The following WDR64 variants were observed in gnomAD, a reference collection of about 807,000 sequenced individuals.
WDR64 encodes the protein WD repeat domain 64.
Under a neutral mutation model 139.3 loss-of-function variants are expected in WDR64, and 112 were observed. The observed-to-expected ratio is 0.80, with a 90% CI of 0.69 to 0.94. WDR64 has a LOEUF of 0.94. Ranked by LOEUF, WDR64 falls within the 40% of genes least tolerant of loss-of-function variation. WDR64 has a pLI of 0.00. For synonymous variants in WDR64, 444 were observed against 437.7 expected (o/e 1.01, Z -0.18); for missense variants, 1,206 against 1,293.1 (o/e 0.93, Z 1.03).
intron 9 of WDR64, among the ~76,000 whole-genome samples, chr1:241,714,779 CCAT>C (rs1668338443): frequency 6.6e-6 from 1 of 152,164 alleles, no homozygotes; most frequent in Non-Finnish European, 1.5e-5. Flanking sequence ...CTGGGTTTAG[CCAT>C]CGCCTGGCCA....
At position 241,696,113 on chromosome 1, in the gene WDR64, C is replaced by CAAAAAAAAAAAAAAAAAAAAAA. The variant is rs541301982; in HGVS notation, c.974+8525_974+8546dup. 9.0e-4 allele frequency among the ~76,000 whole-genome samples: 20 copies of CAAAAAAAAAAAAAAAAAAAAAA among 22,326 alleles called. 3 individuals are homozygous for CAAAAAAAAAAAAAAAAAAAAAA. Among genetic ancestry groups the CAAAAAAAAAAAAAAAAAAAAAA allele is most frequent in the African/African-American group, 2.8e-3 (20 of 7,172 alleles). 14.6% of individuals were successfully genotyped at this position (22,326 alleles called of 152,430 possible). The stretch of plus-strand genomic sequence containing the variant: ...TGTGGAATGGAATGAGACCCAGTAT[C>CAAAAAAAAAAAAAAAAAAAAAA]AAAAAAAAAAAAAAAAAAAAAAAAA... On this transcript the variant is annotated intron_variant, in intron 8 of 27. Coordinates refer to ENST00000437684, the MANE Select transcript of WDR64 (RefSeq NM_001367482.1).
Position 241,742,084 on chromosome 1 carries a change from G to A in WDR64, c.1470+420G>A, listed in dbSNP as rs570541136. Among the ~76,000 whole-genome samples, 12 of 152,254 alleles carry A rather than the reference G, an allele frequency of 7.9e-5. No homozygotes were observed. In the South Asian group the frequency reaches 2.3e-3, roughly 29 times the overall value. On this transcript the variant is annotated intron_variant, in intron 12 of 27. Transcript: ENST00000437684. The stretch of plus-strand genomic sequence containing the variant: ...CAAGAGCTTTAAGTCTCTGTGATCT[G>A]CTTTAATCTTCACAACAGTTCTCTG...
At chr1:241,704,861 T>C (rs979277244) in intron 8 of WDR64, among the ~76,000 whole-genome samples, 2 of 152,192 alleles carry the variant, frequency 1.3e-5, no homozygotes, top group African/African-American at 4.8e-5. Context: ...CTGGAGAGGA[T>C]TGCTCTAGAC....
At chr1:241,761,460 T>C (rs971698537) in intron 15 of WDR64, among the ~76,000 whole-genome samples, 1 of 150,962 alleles carries the variant, frequency 6.6e-6, no homozygotes, top group Non-Finnish European at 1.5e-5. Flanking sequence ...AATACACATA[T>C]GGACTATTTG....
At chr1:241,753,796 C>T (rs375711396) in intron 14 of WDR64, among the ~76,000 whole-genome samples, 6 of 151,796 alleles carry the variant, frequency 4.0e-5, no homozygotes, top group South Asian at 2.1e-4. Context: ...CTAAAATAAA[C>T]GTAGCAAGAA....
chr1:241,679,514 C>T lies in WDR64; in HGVS notation c.543C>T (p.Tyr181=), dbSNP rs184957108. 2 of 1,551,718 alleles carry T rather than the reference C, an allele frequency of 1.3e-6. No individual in the cohort carries two copies. The highest frequency in any genetic ancestry group is 1.4e-5 in the African/African-American group (1 of 73,026). Residue 181 remains tyrosine (Y), a synonymous_variant, in exon 6 of 28, where the codon TAC becomes TAT. Coordinates refer to ENST00000437684, the MANE Select transcript of WDR64 (RefSeq NM_001367482.1). The part of the protein sequence containing the change: ...TDTSWITGCD[Y]LLQLKRIVAT... Reference sequence around the variant, plus strand: ...CCTCCTGGATTACAGGGTGTGATTACCTCTTGCAGCTGAAACGAATCGTAG... The same window carrying T: ...CCTCCTGGATTACAGGGTGTGATTATCTCTTGCAGCTGAAACGAATCGTAG...
intron 10 of WDR64, among the ~76,000 whole-genome samples, chr1:241,731,194 A>G (rs1418546493): frequency 6.6e-6 from 1 of 152,198 alleles, no homozygotes; most frequent in Non-Finnish European, 1.5e-5. Context: ...ATTCACAAAC[A>G]GAATACTATT....
chr1:241,687,390 T>C (rs1159703743), intron 7 of WDR64, 71 bp from the exon 8 acceptor site: 13 of 1,568,814 alleles, frequency 8.3e-6, no homozygotes, highest in African/African-American at 1.4e-5. Flanking sequence ...TCAAAGTAAA[T>C]TGCTGAATAG....
At chr1:241,794,504 G>GTTTTTTTTTTT (rs11419039) in intron 25 of WDR64, among the ~76,000 whole-genome samples, 12 of 81,484 alleles carry the variant, frequency 1.5e-4, no homozygotes, top group East Asian at 7.8e-4. Context: ...AAGCTTTACT[G>GTTTTTTTTTTT]TTTTTTTTTT....
intron 8 of WDR64, among the ~76,000 whole-genome samples, chr1:241,693,286 T>C (rs1252848831): frequency 1.3e-5 from 2 of 152,130 alleles, no homozygotes; most frequent in African/African-American, 2.4e-5. Context: ...TAAATGCATA[T>C]TACTAAGTTA....
chr1:241,702,295 T>C (rs1209288181), intron 8 of WDR64, among the ~76,000 whole-genome samples: 3 of 129,182 alleles, frequency 2.3e-5, no homozygotes, highest in Non-Finnish European at 5.3e-5. Flanking sequence ...CTGGTTTCTG[T>C]CCTAGCACTC....
chr1:241,670,018 A>G (rs1666162773), intron 2 of WDR64, among the ~76,000 whole-genome samples: 2 of 152,190 alleles, frequency 1.3e-5, no homozygotes. Flanking sequence ...CAACTTTATG[A>G]GAAATACTGA....
chr1:241,732,998 A>G (rs1669149274), intron 10 of WDR64, among the ~76,000 whole-genome samples: 1 of 152,140 alleles, frequency 6.6e-6, no homozygotes. Context: ...CTTCTACTTC[A>G]TCATTATTTA....
chr1:241,741,162 G>A (rs761175365), intron 11 of WDR64, among the ~76,000 whole-genome samples: 36 of 152,168 alleles, frequency 2.4e-4, no homozygotes, highest in Non-Finnish European at 4.3e-4. Flanking sequence ...CACTATTGCT[G>A]TGCAACAGAT....
At chr1:241,666,075 A>G (rs952259783) in intron 2 of WDR64, among the ~76,000 whole-genome samples, 3 of 152,166 alleles carry the variant, frequency 2.0e-5, no homozygotes, top group African/African-American at 7.2e-5. Context: ...GATAAAAATG[A>G]AGTTAAAAAT....
At chr1:241,794,796 C>G (rs1462177705) in intron 25 of WDR64, among the ~76,000 whole-genome samples, 3 of 152,034 alleles carry the variant, frequency 2.0e-5, no homozygotes, top group African/African-American at 7.2e-5. Flanking sequence ...CATGAGCCAC[C>G]GTGCCCGGCC....
intron 10 of WDR64, among the ~76,000 whole-genome samples, chr1:241,736,916 C>T (rs1669350327): frequency 6.6e-6 from 1 of 152,090 alleles, no homozygotes; most frequent in South Asian, 2.1e-4. Flanking sequence ...TTCTTTTTGT[C>T]AGTTACAATT....
chr1:241,800,830 CTTGTT>C (rs548337299), intron 27 of WDR64, among the ~76,000 whole-genome samples: 1 of 152,010 alleles, frequency 6.6e-6, no homozygotes. Context: ...TTAACCAAGT[CTTGTT>C]TTGTTTTGTT....
chr1:241,782,917 T>G (rs748669285), intron 22 of WDR64, among the ~76,000 whole-genome samples: 1 of 152,206 alleles, frequency 6.6e-6, no homozygotes, highest in Non-Finnish European at 1.5e-5. Flanking sequence ...TATTCTTGAT[T>G]ATATTTACTT....
Sources: gnomAD v4.1 joint callset for allele counts (sites outside exome capture counted in the v4.1 genomes callset) on GRCh38, gnomAD v4.1.1 for gene constraint, MANE v1.5 for transcripts, NCBI Gene and HGNC (gene_info 2026-07-23, HGNC 2026-07-21) for gene names.